VTA1: variants seen among roughly 807,000 people sequenced by gnomAD.
VTA1 encodes vesicle trafficking 1.
VTA1 carries 24 observed loss-of-function variants against 36.9 expected under a neutral mutation model. That is an observed-to-expected ratio of 0.65 (90% CI 0.47 to 0.91). VTA1 has a LOEUF of 0.91. VTA1 is among the 40% of genes least tolerant of loss of function. VTA1 has a pLI of 0.00. For missense variants in VTA1, 393 were observed against 377.2 expected (o/e 1.04, Z -0.35); for synonymous variants, 142 against 130.2 (o/e 1.09, Z -0.62).
chr6:142,208,853 C>A (rs1184553745), intron 7 of VTA1, among the ~76,000 whole-genome samples: 2 of 152,116 alleles, frequency 1.3e-5, no homozygotes, highest in Admixed American at 6.5e-5. Flanking sequence ...TTCCCAGACA[C>A]AAAAGCTGAC....
intron 1 of VTA1, among the ~76,000 whole-genome samples, chr6:142,148,214 T>C (rs1344210086): frequency 1.3e-5 from 2 of 152,210 alleles, no homozygotes; most frequent in African/African-American, 4.8e-5. Flanking sequence ...AAGTTGGATA[T>C]AATGCGTCCA....
intron 5 of VTA1, among the ~76,000 whole-genome samples, chr6:142,198,113 A>ATGTG (rs1414329840): frequency 2.3e-4 from 27 of 117,020 alleles, no homozygotes; most frequent in African/African-American, 9.7e-4. Context: ...AAATATATAT[A>ATGTG]TATATATGTG....
chr6:142,199,138 A>ATT (rs371898213), intron 6 of VTA1, among the ~76,000 whole-genome samples: 24 of 148,452 alleles, frequency 1.6e-4, no homozygotes, highest in Non-Finnish European at 2.8e-4. Flanking sequence ...AGGGATTCGG[A>ATT]TTTTTTTTTT....
chr6:142,198,161 G>GTGTATA (rs1562266880), intron 5 of VTA1, among the ~76,000 whole-genome samples: 1 of 79,642 alleles, frequency 1.3e-5, no homozygotes, highest in Non-Finnish European at 3.6e-5. Context: ...GTGTGTGTGT[G>GTGTATA]TGTATATGTG....
chr6:142,186,541 G>A (rs1775342609), intron 4 of VTA1, among the ~76,000 whole-genome samples: 2 of 152,082 alleles, frequency 1.3e-5, no homozygotes, highest in Admixed American at 6.6e-5. Context: ...AAATCAACTG[G>A]ATTCTTGGTG....
chr6:142,207,966 A>G (rs9885868), intron 7 of VTA1, among the ~76,000 whole-genome samples: 32 of 152,024 alleles, frequency 2.1e-4, no homozygotes, highest in African/African-American at 7.5e-4. Flanking sequence ...GCATGCCTAT[A>G]ATCCCAGCTA....
chr6:142,159,615 G>A (rs984785731), intron 1 of VTA1, among the ~76,000 whole-genome samples: 1 of 151,272 alleles, frequency 6.6e-6, no homozygotes, highest in African/African-American at 2.4e-5. Flanking sequence ...CTGGGTTCAA[G>A]CAATTTTCCT....
intron 1 of VTA1, among the ~76,000 whole-genome samples, chr6:142,148,444 A>G (rs1562252319): frequency 1.3e-5 from 2 of 152,178 alleles, no homozygotes; most frequent in Non-Finnish European, 2.9e-5. Flanking sequence ...TTCTCTGTGC[A>G]TTACTTCATT....
intron 7 of VTA1, among the ~76,000 whole-genome samples, chr6:142,211,539 A>C (rs777521124): frequency 2.0e-5 from 3 of 151,966 alleles, no homozygotes; most frequent in African/African-American, 7.2e-5. Context: ...GTGAAACCCT[A>C]TCTCTACTAA....
At chr6:142,204,715 CT>C (rs1775756287) in intron 7 of VTA1, among the ~76,000 whole-genome samples, 2 of 129,064 alleles carry the variant, frequency 1.5e-5, no homozygotes, top group Admixed American at 1.5e-4. Flanking sequence ...AATTTAAATC[CT>C]TTTAATTTAA....
intron 1 of VTA1, among the ~76,000 whole-genome samples, chr6:142,162,812 A>ATT (rs1294231778): frequency 2.6e-5 from 4 of 152,190 alleles, no homozygotes; most frequent in African/African-American, 9.6e-5. Flanking sequence ...GAGAAGACTG[A>ATT]TCATAATGAA....
At chr6:142,202,649 A>G (rs941358897) in intron 6 of VTA1, among the ~76,000 whole-genome samples, 1 of 152,022 alleles carries the variant, frequency 6.6e-6, no homozygotes, top group Non-Finnish European at 1.5e-5. Context: ...TTTGGTTTAG[A>G]TAAGTACACA....
intron 2 of VTA1, among the ~76,000 whole-genome samples, chr6:142,168,864 T>A (rs1291112574): frequency 6.6e-6 from 1 of 151,550 alleles, no homozygotes; most frequent in Non-Finnish European, 1.5e-5. Flanking sequence ...CCTCCCAGGT[T>A]CATGCCATTC....
chr6:142,152,950 C>T (rs1662831484), intron 1 of VTA1, among the ~76,000 whole-genome samples: 1 of 152,118 alleles, frequency 6.6e-6, no homozygotes, highest in African/African-American at 2.4e-5. Flanking sequence ...ATTAATTTGA[C>T]TAACTTACTG....
At chr6:142,176,711 T>C (rs187878749) in intron 4 of VTA1, among the ~76,000 whole-genome samples, 1 of 152,196 alleles carries the variant, frequency 6.6e-6, no homozygotes, top group Admixed American at 6.5e-5. Context: ...TACAGATAGA[T>C]ATACAGCATA....
chr6:142,151,465 A>G (rs191486732), intron 1 of VTA1, among the ~76,000 whole-genome samples: 97 of 152,338 alleles, frequency 6.4e-4, no homozygotes, highest in African/African-American at 2.1e-3. Context: ...ACTGAAGATG[A>G]GAGTACCTTG....
At chr6:142,198,117 A>ATGTG (rs1265860816) in intron 5 of VTA1, among the ~76,000 whole-genome samples, 792 of 78,586 alleles carry the variant, frequency 0.01, 4 homozygotes, top group Middle Eastern at 0.049. Context: ...ATATATATAT[A>ATGTG]TATGTGTGTG....
chr6:142,197,835 G>T (rs757907791), intron 5 of VTA1, among the ~76,000 whole-genome samples: 8 of 151,566 alleles, frequency 5.3e-5, no homozygotes, highest in African/African-American at 7.3e-5. Flanking sequence ...AGCACTTTGG[G>T]AGGCCGAGGC....
At chr6:142,205,429 T>C (rs953451350) in intron 7 of VTA1, among the ~76,000 whole-genome samples, 3 of 152,204 alleles carry the variant, frequency 2.0e-5, no homozygotes, top group African/African-American at 7.2e-5. Flanking sequence ...TAGAATTCTT[T>C]ATCTAAACTG....
Sources: gnomAD v4.1 joint callset for allele counts (sites outside exome capture counted in the v4.1 genomes callset) on GRCh38, gnomAD v4.1.1 for gene constraint, MANE v1.5 for transcripts, NCBI Gene and HGNC (gene_info 2026-07-23, HGNC 2026-07-21) for gene names.